The following NLK variants were observed in gnomAD, a reference collection of about 807,000 sequenced individuals.
NLK encodes the protein nemo like kinase.
NLK carries 11 observed loss-of-function variants against 59.0 expected under a neutral mutation model. That is an observed-to-expected ratio of 0.19 (90% confidence interval 0.12 to 0.31). The LOEUF is 0.31. Among genes scored for constraint, NLK ranks in the 10% least tolerant of loss-of-function variants. NLK has a pLI of 1.00. For synonymous variants in NLK, 235 were observed against 235.9 expected, an observed-to-expected ratio of 1.00 and a Z score of 0.03; for missense variants, 410 against 661.1, an observed-to-expected ratio of 0.62 and a Z score of 4.16.
chr17:28,201,217 A>G (rs1909620822), downstream of NLK, among the ~76,000 whole-genome samples: 1 of 151,964 alleles, frequency 6.6e-6, no homozygotes, highest in Non-Finnish European at 1.5e-5. Context: ...AGCAGCTGGG[A>G]TTACAAACAT....
At chr17:28,059,316 T>A (rs887577774) in intron 1 of NLK, among the ~76,000 whole-genome samples, 2 of 152,052 alleles carry the variant, frequency 1.3e-5, no homozygotes, top group Admixed American at 6.6e-5. Flanking sequence ...TTTTTAAGAG[T>A]GAGAGCTCTA....
At chr17:28,125,138 G>T (rs991605208) in intron 2 of NLK, among the ~76,000 whole-genome samples, 1 of 152,182 alleles carries the variant, frequency 6.6e-6, no homozygotes, top group African/African-American at 2.4e-5. Flanking sequence ...TAAAGGAAGG[G>T]TGGTATAATA....
At chr17:28,198,163 G>C (rs974613225), downstream of NLK, among the ~76,000 whole-genome samples, 6 of 152,180 alleles carry the variant, frequency 3.9e-5, no homozygotes, top group African/African-American at 1.2e-4. Context: ...TTGAGACAGA[G>C]TCTTGCTCTG....
intron 1 of NLK, among the ~76,000 whole-genome samples, chr17:28,095,828 G>C (rs1904682120): frequency 6.6e-6 from 1 of 152,156 alleles, no homozygotes. Flanking sequence ...GACACTCACT[G>C]TAAGTATTCT....
chr17:28,166,706 T>G (rs182249679), intron 5 of NLK, among the ~76,000 whole-genome samples: 8 of 152,342 alleles, frequency 5.3e-5, no homozygotes, highest in Admixed American at 3.9e-4. Context: ...TAAAGATAAG[T>G]AGTAGTTGCT....
intron 1 of NLK, among the ~76,000 whole-genome samples, chr17:28,064,199 T>TA (rs398030567): frequency 6.0e-5 from 9 of 149,232 alleles, no homozygotes; most frequent in Non-Finnish European, 1.0e-4. Context: ...TTTTTTTTTT[T>TA]AAAGAGACAA....
chr17:28,200,486 A>G (rs927333240), downstream of NLK, among the ~76,000 whole-genome samples: 3 of 152,006 alleles, frequency 2.0e-5, no homozygotes, highest in African/African-American at 7.2e-5. Flanking sequence ...CTTTATTATT[A>G]TTAATTTTTT....
At position 28,089,474 on chromosome 17, in the gene NLK, T is replaced by C. The variant is rs563651250; in HGVS notation, c.459-33129T>C. ...ATACTATAGTTTTGTTGTTTTTTTT[T>C]TTCATTCACTTACTGATGAACATTT... On this transcript the variant is annotated intron_variant, in intron 1 of 10. Transcript: ENST00000407008. Among the ~76,000 whole-genome samples, 34 of 152,266 alleles carry C rather than the reference T, an allele frequency of 2.2e-4. 1 individual carries two copies. The Middle Eastern group carries it at 0.01, about 46-fold the overall frequency.
chr17:28,051,655 CTTT>C (rs749091116), intron 1 of NLK, among the ~76,000 whole-genome samples: 2 of 137,908 alleles, frequency 1.5e-5, no homozygotes, highest in Non-Finnish European at 1.6e-5. Flanking sequence ...CTGCGCCCGG[CTTT>C]TTTTTTTTTT....
chr17:28,062,573 C>T (rs1279779188), intron 1 of NLK, among the ~76,000 whole-genome samples: 2 of 152,040 alleles, frequency 1.3e-5, no homozygotes, highest in Non-Finnish European at 2.9e-5. Context: ...CACAACAAAC[C>T]ATAGGATAAA....
intron 1 of NLK, among the ~76,000 whole-genome samples, chr17:28,076,544 G>C (rs977737573): frequency 4.6e-5 from 7 of 152,140 alleles, no homozygotes; most frequent in Non-Finnish European, 1.0e-4. Flanking sequence ...CACACATTCA[G>C]TCCAAAGCAG....
chr17:28,131,902 G>A (rs1906535549), intron 2 of NLK, among the ~76,000 whole-genome samples: 1 of 152,086 alleles, frequency 6.6e-6, no homozygotes, highest in Non-Finnish European at 1.5e-5. Flanking sequence ...ACTTTGTGTA[G>A]TGTATTTCAT....
At chr17:28,144,360 G>A (rs1319461036) in intron 3 of NLK, among the ~76,000 whole-genome samples, 3 of 142,158 alleles carry the variant, frequency 2.1e-5, no homozygotes, top group Non-Finnish European at 4.5e-5. Flanking sequence ...ACTTATTCAC[G>A]CTAGCTCTTT....
chr17:28,086,147 A>G (rs1910509926), intron 1 of NLK, among the ~76,000 whole-genome samples: 1 of 152,162 alleles, frequency 6.6e-6, no homozygotes, highest in Non-Finnish European at 1.5e-5. Context: ...AATAAATAAG[A>G]CATTTACATA....
At chr17:28,176,264 T>C (rs1650245355) in intron 7 of NLK, among the ~76,000 whole-genome samples, 1 of 152,226 alleles carries the variant, frequency 6.6e-6, no homozygotes, top group African/African-American at 2.4e-5. Context: ...ATTAGATTGA[T>C]GGTGTTTAAA....
chr17:28,066,348 T>C (rs1381304729), intron 1 of NLK, among the ~76,000 whole-genome samples: 3 of 152,236 alleles, frequency 2.0e-5, no homozygotes, highest in African/African-American at 4.8e-5. Flanking sequence ...ATATACCATA[T>C]ACCATACAGC....
the NLK span, among the ~76,000 whole-genome samples, chr17:28,201,660 C>T: frequency 2.8e-3 from 428 of 152,220 alleles, 4 homozygotes; most frequent in African/African-American, 9.6e-3. Flanking sequence ...CAATACAGGG[C>T]TGGTTCAGTA....
At chr17:28,170,947 G>C (rs559526741) in intron 6 of NLK, among the ~76,000 whole-genome samples, 27 of 152,264 alleles carry the variant, frequency 1.8e-4, no homozygotes, top group Non-Finnish European at 7.4e-5. Flanking sequence ...ATAGGAAAAG[G>C]CTCTAACTTC....
chr17:28,096,845 G>A (rs1390024703), intron 1 of NLK, among the ~76,000 whole-genome samples: 2 of 152,194 alleles, frequency 1.3e-5, no homozygotes. Context: ...CTGGCAGATA[G>A]AGAATTGCTT....
Sources: gnomAD v4.1 joint callset for allele counts (sites outside exome capture counted in the v4.1 genomes callset) on GRCh38, gnomAD v4.1.1 for gene constraint, MANE v1.5 for transcripts, NCBI Gene and HGNC (gene_info 2026-07-23, HGNC 2026-07-21) for gene names.